NBPF11: variants seen among roughly 807,000 people sequenced by gnomAD.
NBPF11 encodes NBPF family member NBPF11.
Under a neutral mutation model 93.9 loss-of-function variants are expected in NBPF11, and 72 were observed. That is an observed-to-expected ratio of 0.77 (90% CI 0.63 to 0.93). The LOEUF (loss-of-function observed/expected upper bound fraction) is 0.93, where lower values mean the gene tolerates loss of function less well. Among genes scored for constraint, NBPF11 ranks in the 40% least tolerant of loss-of-function variants. The probability of loss-of-function intolerance (pLI) is 0.00; values close to 1 mark genes in which losing one functional copy is unlikely to be tolerated. For missense variants in NBPF11, 705 were observed against 802.2 expected, an observed-to-expected ratio of 0.88 and a Z score of 1.46; for synonymous variants, 224 against 304.9, an observed-to-expected ratio of 0.73 and a Z score of 2.76.
chr1:148,120,818 A>T, intron 9 of NBPF11, 108 bp from the exon 10 acceptor site: 1 of 886,242 alleles, frequency 1.1e-6, no homozygotes, highest in Non-Finnish European at 1.9e-6. Flanking sequence ...TTATTTGAAG[A>T]TGTTGTTTCC....
chr1:148,135,588 G>A, intron 4 of NBPF11, 84 bp downstream of exon 4: 1 of 496,038 alleles, frequency 2.0e-6, no homozygotes, highest in Admixed American at 3.4e-5. Context: ...GGCTAGATTA[G>A]AGAGAAAAAT....
chr1:148,137,114 C>T (rs74541239), intron 3 of NBPF11, among the ~76,000 whole-genome samples: 3 of 151,894 alleles, frequency 2.0e-5, no homozygotes, highest in Admixed American at 2.0e-4. Context: ...CCTGTGACTA[C>T]ATTGTTATAT....
rs587603101 is a variant in NBPF11, at chr1:148,111,530, C to T, written c.1638-989G>A. ...AAAAAAGATTAGACGAATGGCTAAC[C>T]AGAATGAACAGTGTAGAGAAGACCT... is the stretch of plus-strand genomic sequence containing the variant. On this transcript the variant is annotated intron_variant, in intron 15 of 23. Transcript: ENST00000682118. 3.3e-4 allele frequency among the ~76,000 whole-genome samples: 50 copies of T among 151,654 alleles called. 1 individual carries two copies. Among genetic ancestry groups the T allele is most frequent in the African/African-American group, 1.1e-3 (47 of 41,088 alleles).
chr1:148,108,842 GACACACACACACACACACAC>G (rs71270029), intron 17 of NBPF11, among the ~76,000 whole-genome samples, 188 bp from the exon 18 acceptor site: 30 of 112,886 alleles, frequency 2.7e-4, no homozygotes, highest in African/African-American at 6.2e-4. Flanking sequence ...GAAAGAGAAA[GACACACACACACACACACAC>G]ACACACACAC....
chr1:148,116,769 T>C lies in NBPF11; in HGVS notation c.1307-234A>G, dbSNP rs1418976038. ...GTGGCCAAATATTGAAAAGACCTTT[T>C]GCTTCCCATATCACTGGAGGCTTGT... On this transcript the variant is annotated intron_variant, in intron 12 of 23. Transcript: ENST00000682118. Among the ~76,000 whole-genome samples, 30 of 152,154 alleles carry C rather than the reference T, an allele frequency of 2.0e-4. No homozygotes were observed. In the East Asian group the frequency reaches 2.9e-3, roughly 15 times the overall value.
chr1:148,146,724 C>T (rs1310015843), intron 1 of NBPF11: 1 of 1,612,206 alleles, frequency 6.2e-7, no homozygotes, highest in Non-Finnish European at 8.5e-7. Flanking sequence ...TGCCTGGTGC[C>T]AGGTACACGG....
At chr1:148,146,362 C>G in intron 1 of NBPF11, 1 of 1,512,150 alleles carries the variant, frequency 6.6e-7, no homozygotes, top group Non-Finnish European at 8.8e-7. Flanking sequence ...TGGCGGGGGC[C>G]CCGGTGGAGG....
Position 148,108,552 on chromosome 1 carries a change from T to C in NBPF11, c.1956A>G (p.Ser652=). The C allele has an allele frequency of 7.5e-6, 12 of 1,604,182 alleles. No individual in the cohort carries two copies. The highest frequency in any genetic ancestry group is 1.0e-5 in the Non-Finnish European group (12 of 1,173,518). ...AAAAGGCACTTCTGTAGGGCTGGCA[T>C]GAGTCAGTCAGTCCAAGATAAACTG... ...TPSVYLGLTD[S]CQPYRSAFYV... The change falls in exon 18 of 24, where the codon TCA becomes TCG. Residue 652 remains serine, a synonymous_variant. Coordinates refer to ENST00000682118, the MANE Select transcript of NBPF11 (RefSeq NM_001385469.3).
intron 2 of NBPF11, among the ~76,000 whole-genome samples, chr1:148,139,074 G>A (rs1671795372): frequency 6.6e-6 from 1 of 151,240 alleles, no homozygotes; most frequent in Non-Finnish European, 1.5e-5. Context: ...CCAAGGAAAA[G>A]AGAAATAACT....
chr1:148,127,983 T>C (rs1410987429), intron 4 of NBPF11, among the ~76,000 whole-genome samples: 3 of 151,288 alleles, frequency 2.0e-5, no homozygotes, highest in Admixed American at 1.3e-4. Flanking sequence ...TGGGTATATA[T>C]GCCACTAATT....
rs1309203366 is a variant in NBPF11 at position 148,151,748 on chromosome 1, A to T, written c.-549+2T>A. On this transcript the variant is annotated splice_donor_variant, in intron 1 of 23. Coordinates refer to ENST00000682118, the MANE Select transcript of NBPF11 (RefSeq NM_001385469.3). LOFTEE classifies it low-confidence loss of function (5UTR_SPLICE). ...CCGCCCGGCCTGGCGCGGCGCCCTC[A>T]CCTCCGGAACGCTGGGTGGACTTCG... 1 of 152,116 alleles carries T rather than the reference A, an allele frequency of 6.6e-6. No homozygotes were observed. The highest frequency in any genetic ancestry group is 2.4e-5 in the African/African-American group (1 of 41,156). The allele number at this position is 152,116 out of a possible 1,614,324, so 9.4% of individuals were successfully genotyped here. A position where few individuals can be genotyped will look rare whatever the true frequency, so the allele number is the denominator to read the frequency against.
chr1:148,146,885 C>A (rs1459251591), intron 1 of NBPF11: 7 of 1,613,366 alleles, frequency 4.3e-6, no homozygotes, highest in Non-Finnish European at 5.9e-6. Context: ...AACCTCTATG[C>A]CGACATCGAC....
intron 1 of NBPF11, among the ~76,000 whole-genome samples, chr1:148,145,646 C>T (rs1374399294): frequency 4.0e-5 from 6 of 151,516 alleles, no homozygotes; most frequent in Non-Finnish European, 8.8e-5. Context: ...TTTGGGAGGC[C>T]GAGGCAGGTG....
At chr1:148,147,059 G>C (rs1232504083) in intron 1 of NBPF11, 2 of 914,992 alleles carry the variant, frequency 2.2e-6, no homozygotes, top group South Asian at 1.7e-5. Flanking sequence ...CAGGGCCAGA[G>C]AGCCGGACAG....
intron 15 of NBPF11, among the ~76,000 whole-genome samples, chr1:148,112,195 G>C (rs1665455822): frequency 6.8e-6 from 1 of 147,430 alleles, no homozygotes; most frequent in African/African-American, 2.6e-5. Flanking sequence ...GGGTACACGT[G>C]CACAACGTGC....
In NBPF11 at chr1:148,102,306, AT is replaced by A. The variant is rs1662525489; in HGVS notation, c.*1589del. The A allele has an allele frequency of 6.6e-6, 1 of 151,924 alleles. No individual in the cohort carries two copies. Among genetic ancestry groups the A allele is most frequent in the Non-Finnish European group, 1.5e-5 (1 of 68,024 alleles). The allele number at this position is 151,924 out of a possible 1,614,324, so 9.4% of individuals were successfully genotyped here. A position where few individuals can be genotyped will look rare whatever the true frequency, so the allele number is the denominator to read the frequency against. On this transcript the variant is annotated 3_prime_UTR_variant, in exon 24 of 24. Coordinates refer to ENST00000682118, the MANE Select transcript of NBPF11 (RefSeq NM_001385469.3). ...GACCCAAAATTTGCAGCGTAGAGAT[AT>A]GAATATAATAATAGACACAGGCAGG...
chr1:148,119,707 G>A (rs1220265108), intron 10 of NBPF11, among the ~76,000 whole-genome samples: 1 of 151,892 alleles, frequency 6.6e-6, no homozygotes, highest in Non-Finnish European at 1.5e-5. Context: ...CCAGGCTGGA[G>A]TGCAACGGCA....
chr1:148,109,207 G>C lies in NBPF11; in HGVS notation c.1853+77C>G, dbSNP rs1664642898. On this transcript the variant is annotated intron_variant, in intron 17 of 23. Transcript: ENST00000682118. ...TGACAAGACAAAATCATGATTTTCA[G>C]CGTGTACTGTTTTCCCTGGACTTGG... is the stretch of plus-strand genomic sequence containing the variant. 4.0e-6 allele frequency: 4 copies of C among 997,846 alleles called. No individual in the cohort carries two copies. In the Admixed American group the frequency reaches 5.1e-5, roughly 13 times the overall value. The allele number at this position is 997,846 out of a possible 1,614,324, so 61.8% of individuals were successfully genotyped here. A position where few individuals can be genotyped will look rare whatever the true frequency, so the allele number is the denominator to read the frequency against.
At position 148,148,136 on chromosome 1, in the gene NBPF11, C is replaced by A. The variant is rs1230323663; in HGVS notation, c.-549+3614G>T. On this transcript the variant is annotated intron_variant, in intron 1 of 23. Transcript: ENST00000682118. The stretch of plus-strand genomic sequence containing the variant: ...GCAGGCCGGGGAGGCCGAGGCAGAG[C>A]TGGGGCCACAGGCACCAGCCAGGCA... 2.6e-5 allele frequency among the ~76,000 whole-genome samples: 4 copies of A among 152,318 alleles called. No individual in the cohort carries two copies. In the East Asian group the frequency reaches 7.7e-4, roughly 29 times the overall value.
Sources: gnomAD v4.1 joint callset for allele counts (sites outside exome capture counted in the v4.1 genomes callset) on GRCh38, gnomAD v4.1.1 for gene constraint, MANE v1.5 for transcripts, NCBI Gene and HGNC (gene_info 2026-07-23, HGNC 2026-07-21) for gene names.